The following RERE variants were observed in gnomAD, a reference collection of about 807,000 sequenced individuals.
RERE encodes the protein arginine-glutamic acid dipeptide repeats.
In RERE, 40 loss-of-function variants were observed where a neutral mutation model predicts 146.1. The ratio of observed to expected loss-of-function variants is 0.27; its 90% CI spans 0.21 to 0.36. RERE has a LOEUF of 0.36. Among genes scored for constraint, RERE ranks in the 10% least tolerant of loss-of-function variants. The pLI is 1.00. For missense variants in RERE, 1,933 were observed against 2,138.7 expected, an observed-to-expected ratio of 0.90 and a Z score of 1.90; for synonymous variants, 1,003 against 866.0, an observed-to-expected ratio of 1.16 and a Z score of -2.78.
At chr1:8,808,044 C>T (rs1415077174) in intron 1 of RERE, among the ~76,000 whole-genome samples, 2 of 150,440 alleles carry the variant, frequency 1.3e-5, no homozygotes, top group South Asian at 2.1e-4. Context: ...TTTGGGAGGC[C>T]GAGGTGGGAG....
At chr1:8,499,998 T>C (rs923858969) in intron 8 of RERE, among the ~76,000 whole-genome samples, 2 of 152,200 alleles carry the variant, frequency 1.3e-5, no homozygotes, top group African/African-American at 4.8e-5. Flanking sequence ...CACACGCCTA[T>C]AGTGCCAGCT....
At chr1:8,455,398 C>CT (rs1644442332) in intron 11 of RERE, among the ~76,000 whole-genome samples, 1 of 152,146 alleles carries the variant, frequency 6.6e-6, no homozygotes, top group African/African-American at 2.4e-5. Flanking sequence ...GTGCTGCCCA[C>CT]TGAGCTCTTT....
chr1:8,498,010 T>G (rs907347653), intron 8 of RERE, among the ~76,000 whole-genome samples: 1 of 152,170 alleles, frequency 6.6e-6, no homozygotes, highest in South Asian at 2.1e-4. Flanking sequence ...AGACAGTCAA[T>G]AGCAATATAA....
chr1:8,450,581 G>A (rs1237172230), intron 11 of RERE, among the ~76,000 whole-genome samples: 1 of 152,064 alleles, frequency 6.6e-6, no homozygotes, highest in Non-Finnish European at 1.5e-5. Context: ...CTCACACGCA[G>A]TTCTCCAAAA....
intron 1 of RERE, among the ~76,000 whole-genome samples, chr1:8,784,570 G>A (rs911228519): frequency 1.3e-5 from 2 of 152,044 alleles, no homozygotes; most frequent in African/African-American, 2.4e-5. Context: ...TTGAACGAAC[G>A]TGTATATGTA....
chr1:8,802,071 AT>A (rs1390827089), intron 1 of RERE, among the ~76,000 whole-genome samples: 1 of 152,248 alleles, frequency 6.6e-6, no homozygotes, highest in East Asian at 1.9e-4. Context: ...AGTGATTACA[AT>A]GAGTATATAT....
intron 1 of RERE, among the ~76,000 whole-genome samples, chr1:8,781,478 T>G (rs188210090): frequency 7.9e-5 from 12 of 151,830 alleles, no homozygotes; most frequent in Non-Finnish European, 1.5e-5. Flanking sequence ...GAGCTATGAC[T>G]GTCCCACTGC....
chr1:8,545,597 T>TG (rs1230710765), intron 6 of RERE, among the ~76,000 whole-genome samples: 1 of 151,982 alleles, frequency 6.6e-6, no homozygotes, highest in African/African-American at 2.4e-5. Context: ...GTAGCAAATC[T>TG]GTTGAAAGCT....
intron 12 of RERE, among the ~76,000 whole-genome samples, chr1:8,388,907 G>A (rs1402117093): frequency 2.6e-5 from 4 of 151,964 alleles, no homozygotes; most frequent in East Asian, 1.9e-4. Context: ...CCACCTGCCC[G>A]CCCACTCTAA....
In RERE at chr1:8,513,978, G is replaced by A. The variant is rs185024150; in HGVS notation, c.831-5303C>T. On this transcript the variant is annotated intron_variant, in intron 7 of 22. Transcript: ENST00000400908. Reference sequence around the variant, plus strand: ...GTCATGCATTGGTTTTATAGAGAATGTCAGTTTACTCAGTTCTGCAGATCT... The same window carrying A: ...GTCATGCATTGGTTTTATAGAGAATATCAGTTTACTCAGTTCTGCAGATCT... Among the ~76,000 whole-genome samples the A allele has an allele frequency of 2.4e-3, 371 of 152,288 alleles. 8 individuals are homozygous for A. The highest frequency in any genetic ancestry group is 0.02 in the Admixed American group (304 of 15,302).
rs754380193 is a variant in RERE, at chr1:8,359,849, G to A, written c.3533C>T (p.Ala1178Val). The change falls in exon 19 of 23, where the codon GCC (alanine) becomes GTC (valine). Residue 1178 changes from alanine (A) to valine (V), a missense_variant. Coordinates refer to ENST00000400908, the MANE Select transcript of RERE (RefSeq NM_001042681.2). ...EKAKREAEQK[A>V]REEREREKEK... ...CTTCTCCCGCTCTCGCTCCTCTCGG[G>A]CTTTCTGCTCAGCCTCGCGCTTGGC... The A allele has an allele frequency of 6.2e-7, 1 of 1,611,146 alleles. No homozygotes were observed. The highest frequency in any genetic ancestry group is 1.7e-5 in the Admixed American group (1 of 60,022).
intron 1 of RERE, among the ~76,000 whole-genome samples, chr1:8,718,060 A>C (rs148452174): frequency 6.6e-6 from 1 of 152,266 alleles, no homozygotes; most frequent in Non-Finnish European, 1.5e-5. Context: ...GTTAACACAC[A>C]AGACCATAAG....
chr1:8,577,634 AAAGTG>A (rs1408330008), intron 4 of RERE, among the ~76,000 whole-genome samples: 1 of 152,242 alleles, frequency 6.6e-6, no homozygotes, highest in Non-Finnish European at 1.5e-5. Flanking sequence ...AATGTTTCTG[AAAGTG>A]AATAGGCACA....
Position 8,396,022 on chromosome 1 carries a change from G to C in RERE, c.1284+26705C>G, listed in dbSNP as rs75856291. ...AGCCATTCCATTAACTACCCACCTT[G>C]AATGGATTCCAGAGAAAGACTTTGT... is the stretch of plus-strand genomic sequence containing the variant. On this transcript the variant is annotated intron_variant, in intron 12 of 22. Coordinates refer to ENST00000400908, the MANE Select transcript of RERE (RefSeq NM_001042681.2). Among the ~76,000 whole-genome samples, 1,275 of 152,282 alleles carry C rather than the reference G, an allele frequency of 8.4e-3. 15 individuals carry two copies. The highest frequency in any genetic ancestry group is 0.029 in the African/African-American group (1,218 of 41,546).
At chr1:8,788,478 C>A (rs1165638765) in intron 1 of RERE, among the ~76,000 whole-genome samples, 1 of 151,626 alleles carries the variant, frequency 6.6e-6, no homozygotes, top group African/African-American at 2.4e-5. Flanking sequence ...GATTCTCCTG[C>A]CTTAGCCTCC....
At chr1:8,731,997 G>A (rs1640096304) in intron 1 of RERE, among the ~76,000 whole-genome samples, 1 of 152,078 alleles carries the variant, frequency 6.6e-6, no homozygotes, top group Admixed American at 6.6e-5. Flanking sequence ...TAGAGACGGG[G>A]TTTCACTGTG....
chr1:8,384,204 C>T (rs1163862080), intron 12 of RERE, among the ~76,000 whole-genome samples: 1 of 152,182 alleles, frequency 6.6e-6, no homozygotes. Flanking sequence ...TGTCCCTCTA[C>T]CCCTCTAGGC....
intron 11 of RERE, among the ~76,000 whole-genome samples, chr1:8,459,678 G>C (rs766428182): frequency 6.6e-6 from 1 of 152,114 alleles, no homozygotes; most frequent in Non-Finnish European, 1.5e-5. Flanking sequence ...AAGAGAGCAA[G>C]AAGCCAGCAA....
At chr1:8,466,619 T>C (rs1289799358) in intron 10 of RERE, among the ~76,000 whole-genome samples, 2 of 152,204 alleles carry the variant, frequency 1.3e-5, no homozygotes, top group Non-Finnish European at 2.9e-5. Flanking sequence ...ACTGTGCTAA[T>C]TTCACACAAA....
Sources: allele counts gnomAD v4.1 joint callset (sites outside exome capture counted in the v4.1 genomes callset), GRCh38; gene constraint gnomAD v4.1.1; transcripts MANE v1.5; gene names NCBI Gene and HGNC (gene_info 2026-07-23, HGNC 2026-07-21).